Variants in CNTNAP5 observed in about 807,000 individuals in gnomAD.
The protein encoded by CNTNAP5 is contactin-associated protein-like 5.
A neutral mutation model predicts 150.2 loss-of-function variants in CNTNAP5; 72 were observed. That is an observed-to-expected ratio of 0.48 (90% CI 0.40 to 0.58). The LOEUF (loss-of-function observed/expected upper bound fraction) is 0.58. CNTNAP5 is among the 20% of genes least tolerant of loss of function. The pLI, the probability that CNTNAP5 is intolerant of heterozygous loss-of-function variation, is 0.00. For missense variants in CNTNAP5, 1,636 were observed against 1,626.2 expected, an observed-to-expected ratio of 1.01 and a Z score of -0.10; for synonymous variants, 672 against 619.8, an observed-to-expected ratio of 1.08 and a Z score of -1.25.
chr2:124,287,136 G>A (rs747886974), intron 3 of CNTNAP5, among the ~76,000 whole-genome samples: 2 of 152,158 alleles, frequency 1.3e-5, no homozygotes, highest in Non-Finnish European at 2.9e-5. Flanking sequence ...TAAAGACACA[G>A]CAATGTTAGC....
intron 1 of CNTNAP5, among the ~76,000 whole-genome samples, chr2:124,194,279 A>C (rs533699104): frequency 4.0e-5 from 6 of 151,578 alleles, no homozygotes; most frequent in African/African-American, 1.5e-4. Context: ...CAGAAAGGCC[A>C]GCTATGGAGG....
intron 1 of CNTNAP5, among the ~76,000 whole-genome samples, chr2:124,026,664 G>A (rs1256413820): frequency 6.6e-6 from 1 of 152,212 alleles, no homozygotes; most frequent in African/African-American, 2.4e-5. Context: ...CATCTGTGTT[G>A]TTTCCAAAGA....
At chr2:124,178,907 GTTATTTATTTATTTATTTAT>G (rs199781615) in intron 1 of CNTNAP5, among the ~76,000 whole-genome samples, 43 of 141,162 alleles carry the variant, frequency 3.0e-4, no homozygotes, top group South Asian at 1.6e-3. Context: ...ATTTTTATTT[GTTATTTATTTATTTATTTAT>G]TTATTTATTT....
At chr2:124,366,684 A>G (rs1255498749) in intron 3 of CNTNAP5, among the ~76,000 whole-genome samples, 1 of 152,056 alleles carries the variant, frequency 6.6e-6, no homozygotes, top group Non-Finnish European at 1.5e-5. Context: ...ATTTCCAACC[A>G]TTTCTTCCTC....
Position 124,626,978 on chromosome 2 carries a change from G to T in CNTNAP5, c.1876+17058G>T, listed in dbSNP as rs527714386. Among the ~76,000 whole-genome samples the T allele has an allele frequency of 2.0e-5, 3 of 152,296 alleles. No homozygotes were observed. The South Asian group carries it at 6.2e-4, about 32-fold the overall frequency. On this transcript the variant is annotated intron_variant, in intron 12 of 23. Transcript: ENST00000682447. ...CACCACAGTGCAGCAAAGGAGCTGT[G>T]GCAGATCATGGCTAGATGGCTTCTT...
At chr2:124,603,041 ACCTT>A (rs1354053252) in intron 11 of CNTNAP5, among the ~76,000 whole-genome samples, 26 of 101,642 alleles carry the variant, frequency 2.6e-4, no homozygotes, top group Admixed American at 1.8e-3. Flanking sequence ...TTTCCTTCCT[ACCTT>A]CCTTCCTTCC....
At chr2:124,270,357 A>G (rs963880315) in intron 3 of CNTNAP5, among the ~76,000 whole-genome samples, 2 of 152,222 alleles carry the variant, frequency 1.3e-5, no homozygotes, top group African/African-American at 4.8e-5. Context: ...TCAGATGTCA[A>G]ATCTCTCATA....
intron 13 of CNTNAP5, among the ~76,000 whole-genome samples, chr2:124,662,370 T>C (rs530839617): frequency 1.1e-4 from 16 of 152,326 alleles, no homozygotes; most frequent in East Asian, 3.9e-4. Context: ...GGTCAAATGA[T>C]ATTTCTGGTT....
chr2:124,281,744 G>A (rs780053), intron 3 of CNTNAP5, among the ~76,000 whole-genome samples: 11 of 151,904 alleles, frequency 7.2e-5, no homozygotes, highest in African/African-American at 1.2e-4. Flanking sequence ...TTTCACAAGC[G>A]GGCTTCAGGG....
intron 1 of CNTNAP5, among the ~76,000 whole-genome samples, chr2:124,217,455 T>A (rs1432358860): frequency 2.6e-5 from 4 of 152,160 alleles, no homozygotes; most frequent in Non-Finnish European, 5.9e-5. Flanking sequence ...CTGAGGGAGA[T>A]AACATGTTCT....
chr2:124,589,431 G>A (rs1239588043), intron 11 of CNTNAP5, among the ~76,000 whole-genome samples: 2 of 152,118 alleles, frequency 1.3e-5, no homozygotes, highest in Admixed American at 6.5e-5. Flanking sequence ...TCATTGGTTG[G>A]TAGGCTTTTG....
rs374118230 is a variant in CNTNAP5, at chr2:124,600,731, CAGAGAGAGAGAG to C, written c.1757-9044_1757-9033del. On this transcript the variant is annotated intron_variant, in intron 11 of 23. Coordinates refer to ENST00000682447, the MANE Select transcript of CNTNAP5 (RefSeq NM_001367498.1). ...ACCCCCAAAATACAACAACAATACT[CAGAGAGAGAGAG>C]AGAGAGAGAGAGAGAGAGAGAGAGA... Among the ~76,000 whole-genome samples, 15 of 124,152 alleles carry C rather than the reference CAGAGAGAGAGAG, an allele frequency of 1.2e-4. No individual in the cohort carries two copies. In the South Asian group the frequency reaches 1.6e-3, roughly 13 times the overall value. 81.4% of individuals were successfully genotyped at this position (124,152 alleles called of 152,430 possible).
intron 13 of CNTNAP5, among the ~76,000 whole-genome samples, chr2:124,703,357 T>C (rs1435816567): frequency 1.3e-5 from 2 of 151,830 alleles, no homozygotes; most frequent in Non-Finnish European, 2.9e-5. Context: ...GAATATCATA[T>C]ATATTTTATT....
intron 14 of CNTNAP5, among the ~76,000 whole-genome samples, chr2:124,754,887 G>A (rs1452460726): frequency 2.6e-5 from 4 of 151,618 alleles, no homozygotes; most frequent in African/African-American, 4.9e-5. Context: ...GTTTTGTGAG[G>A]TACTTCAATG....
intron 19 of CNTNAP5, among the ~76,000 whole-genome samples, chr2:124,849,262 C>G (rs932470813): frequency 6.6e-6 from 1 of 152,086 alleles, no homozygotes; most frequent in Non-Finnish European, 1.5e-5. Context: ...TCTTGCTGTT[C>G]TTATCAAAGT....
At chr2:124,068,816 A>G (rs1445012455) in intron 1 of CNTNAP5, among the ~76,000 whole-genome samples, 1 of 151,914 alleles carries the variant, frequency 6.6e-6, no homozygotes, top group African/African-American at 2.4e-5. Context: ...CCCCTATCCC[A>G]GGCCCTAGCT....
rs537467663 is a variant in CNTNAP5, at chr2:124,582,966, A to T, written c.1756+19643A>T. 3.9e-5 allele frequency among the ~76,000 whole-genome samples: 6 copies of T among 152,310 alleles called. No individual in the cohort carries two copies. The East Asian group carries it at 1.2e-3, about 29-fold the overall frequency. ...AGTATGGTTGATAAAATCATTTCTTAAAAAATTATATTCATAATTTAAAAA... is the reference window on the plus strand; with the variant it reads ...AGTATGGTTGATAAAATCATTTCTTTAAAAATTATATTCATAATTTAAAAA... On this transcript the variant is annotated intron_variant, in intron 11 of 23. Coordinates refer to ENST00000682447, the MANE Select transcript of CNTNAP5 (RefSeq NM_001367498.1).
intron 7 of CNTNAP5, among the ~76,000 whole-genome samples, chr2:124,494,664 G>A (rs1246248494): frequency 1.3e-5 from 2 of 152,236 alleles, no homozygotes; most frequent in East Asian, 1.9e-4. Context: ...TAGACTGGAC[G>A]CATGACTAAA....
intron 1 of CNTNAP5, among the ~76,000 whole-genome samples, chr2:124,039,712 G>T (rs180935506): frequency 3.6e-4 from 55 of 152,094 alleles, no homozygotes; most frequent in African/African-American, 1.3e-3. Flanking sequence ...TCTACACTGC[G>T]CTCTCTCCTC....
Sources: allele counts gnomAD v4.1 joint callset (sites outside exome capture counted in the v4.1 genomes callset), GRCh38; gene constraint gnomAD v4.1.1; transcripts MANE v1.5; gene names NCBI Gene and HGNC (gene_info 2026-07-23, HGNC 2026-07-21).